CCBE1: variants seen among roughly 807,000 people sequenced by gnomAD.
CCBE1 encodes the protein collagen and calcium binding EGF domains 1.
In CCBE1, 37 loss-of-function variants were observed where a neutral mutation model predicts 50.0. The ratio of observed to expected loss-of-function variants is 0.74; its 90% CI spans 0.57 to 0.97. The LOEUF (loss-of-function observed/expected upper bound fraction) is 0.97, where lower values mean the gene tolerates loss of function less well. Ranked by LOEUF, CCBE1 falls within the 50% of genes least tolerant of loss-of-function variation. The probability of loss-of-function intolerance (pLI) is 0.00; values close to 1 mark genes in which losing one functional copy is unlikely to be tolerated. For synonymous variants in CCBE1, 234 were observed against 203.7 expected, an observed-to-expected ratio of 1.15 and a Z score of -1.27; for missense variants, 538 against 523.8, an observed-to-expected ratio of 1.03 and a Z score of -0.26.
intron 2 of CCBE1, among the ~76,000 whole-genome samples, chr18:59,537,063 C>T (rs925412627): frequency 1.3e-5 from 2 of 151,596 alleles, no homozygotes; most frequent in Admixed American, 6.6e-5. Context: ...AAAGTTAATG[C>T]TTAGCATACA....
chr18:59,474,521 A>G (rs1318469965), intron 3 of CCBE1, among the ~76,000 whole-genome samples: 2 of 152,208 alleles, frequency 1.3e-5, no homozygotes. Flanking sequence ...AACTCAAGTG[A>G]AGGGAGAAGG....
chr18:59,558,847 G>A (rs1405807824), intron 2 of CCBE1, among the ~76,000 whole-genome samples: 2 of 152,250 alleles, frequency 1.3e-5, no homozygotes, highest in African/African-American at 4.8e-5. Context: ...AGGGTGGACA[G>A]TGGGAGAGTA....
At chr18:59,559,423 C>T (rs1456562428) in intron 2 of CCBE1, among the ~76,000 whole-genome samples, 3 of 152,198 alleles carry the variant, frequency 2.0e-5, no homozygotes, top group African/African-American at 7.2e-5. Context: ...GTGGAGCATA[C>T]TTCCTGTGGT....
chr18:59,640,423 A>T (rs1181130449), intron 2 of CCBE1, among the ~76,000 whole-genome samples: 1 of 152,222 alleles, frequency 6.6e-6, no homozygotes, highest in Non-Finnish European at 1.5e-5. Context: ...ATAGCTGGCT[A>T]GCCATATGCA....
At chr18:59,564,351 C>A (rs1039282746) in intron 2 of CCBE1, among the ~76,000 whole-genome samples, 1 of 152,100 alleles carries the variant, frequency 6.6e-6, no homozygotes, top group East Asian at 1.9e-4. Flanking sequence ...AATGAGATCA[C>A]AAAATGAGAT....
At chr18:59,466,629 A>C (rs1911757123) in intron 5 of CCBE1, 110 bp downstream of exon 5, 2 of 471,950 alleles carry the variant, frequency 4.2e-6, no homozygotes. Context: ...ATATATTTAT[A>C]TATACAATTA....
chr18:59,676,240 C>G (rs2054500391), intron 2 of CCBE1, among the ~76,000 whole-genome samples: 1 of 152,196 alleles, frequency 6.6e-6, no homozygotes, highest in South Asian at 2.1e-4. Context: ...GAAAAAGCTT[C>G]TCTTTGGTCT....
chr18:59,690,573 G>A (rs558023296), intron 2 of CCBE1, among the ~76,000 whole-genome samples: 27 of 152,146 alleles, frequency 1.8e-4, no homozygotes, highest in African/African-American at 4.1e-4. Context: ...TGGCTTTTCC[G>A]GGTGCACCCA....
intron 2 of CCBE1, among the ~76,000 whole-genome samples, chr18:59,674,285 A>G (rs1348153929): frequency 6.6e-6 from 1 of 152,254 alleles, no homozygotes; most frequent in Non-Finnish European, 1.5e-5. Flanking sequence ...ACCATGGAAT[A>G]CTGTACACCT....
intron 2 of CCBE1, among the ~76,000 whole-genome samples, chr18:59,529,620 G>A (rs557795980): frequency 6.6e-6 from 1 of 152,332 alleles, no homozygotes; most frequent in South Asian, 2.1e-4. Flanking sequence ...CCCTTGCCCT[G>A]TGTGGCTCCT....
chr18:59,582,038 C>G (rs989709696), intron 2 of CCBE1, among the ~76,000 whole-genome samples: 4 of 152,122 alleles, frequency 2.6e-5, no homozygotes, highest in African/African-American at 9.7e-5. Context: ...TAAGACACCC[C>G]CCAGGTACAG....
At chr18:59,485,597 T>TATTTA (rs1201954727) in intron 2 of CCBE1, among the ~76,000 whole-genome samples, 2,631 of 149,572 alleles carry the variant, frequency 0.018, 80 homozygotes, top group African/African-American at 0.061. Context: ...TTTATTTATT[T>TATTTA]ATTTATTTAT....
intron 2 of CCBE1, among the ~76,000 whole-genome samples, chr18:59,518,600 A>G (rs1598972208): frequency 6.6e-6 from 1 of 152,340 alleles, no homozygotes; most frequent in Non-Finnish European, 1.5e-5. Flanking sequence ...AGATCAGGAA[A>G]AGGTAGCTCC....
intron 2 of CCBE1, among the ~76,000 whole-genome samples, chr18:59,614,649 T>C (rs1403106701): frequency 3.3e-5 from 5 of 152,184 alleles, no homozygotes; most frequent in Non-Finnish European, 7.4e-5. Context: ...GAGCTCTCAA[T>C]CTTGATCTAG....
intron 2 of CCBE1, among the ~76,000 whole-genome samples, chr18:59,566,934 C>G (rs1350242093): frequency 6.6e-6 from 1 of 152,070 alleles, no homozygotes. Flanking sequence ...TTAAGATAAA[C>G]TATGCAGAAT....
intron 2 of CCBE1, among the ~76,000 whole-genome samples, chr18:59,523,511 T>G (rs760696555): frequency 1.3e-5 from 2 of 152,150 alleles, no homozygotes; most frequent in Admixed American, 6.5e-5. Flanking sequence ...TATAAGATGC[T>G]TAACAGTGTC....
intron 2 of CCBE1, among the ~76,000 whole-genome samples, chr18:59,613,897 G>C (rs1196882974): frequency 2.3e-5 from 3 of 131,580 alleles, no homozygotes; most frequent in Admixed American, 7.5e-5. Context: ...GGCAGGGGGA[G>C]ACAGTCTTGC....
At chr18:59,682,704 T>C (rs1192509117) in intron 2 of CCBE1, among the ~76,000 whole-genome samples, 1 of 152,232 alleles carries the variant, frequency 6.6e-6, no homozygotes, top group Non-Finnish European at 1.5e-5. Flanking sequence ...CTGTAAGTGG[T>C]AGGTCTAAGG....
intron 5 of CCBE1, among the ~76,000 whole-genome samples, chr18:59,456,485 C>T (rs1292995990): frequency 6.6e-6 from 1 of 152,118 alleles, no homozygotes; most frequent in East Asian, 1.9e-4. Context: ...AGGTGAGAGG[C>T]AGTGGAAGCC....
Sources: gnomAD v4.1 joint callset for allele counts (sites outside exome capture counted in the v4.1 genomes callset) on GRCh38, gnomAD v4.1.1 for gene constraint, MANE v1.5 for transcripts, NCBI Gene and HGNC (gene_info 2026-07-23, HGNC 2026-07-21) for gene names.